The following ZFPM2 variants were observed in gnomAD, a reference collection of about 807,000 sequenced individuals.
ZFPM2 encodes the protein zinc finger protein ZFPM2.
Under a neutral mutation model 98.6 loss-of-function variants are expected in ZFPM2, and 20 were observed. The ratio of observed to expected loss-of-function variants is 0.20; its 90% confidence interval spans 0.14 to 0.29. The LOEUF is 0.29. ZFPM2 is among the 10% of genes least tolerant of loss of function. The probability of loss-of-function intolerance (pLI) is 1.00; values close to 1 mark genes in which losing one functional copy is unlikely to be tolerated. For missense variants in ZFPM2, 1,310 were observed against 1,388.6 expected (o/e 0.94, Z 0.90); for synonymous variants, 518 against 502.7 (o/e 1.03, Z -0.41).
intron 5 of ZFPM2, among the ~76,000 whole-genome samples, chr8:105,689,146 C>T (rs1162451678): frequency 6.6e-6 from 1 of 152,118 alleles, no homozygotes; most frequent in African/African-American, 2.4e-5. Context: ...CTTCCTATCT[C>T]AATCACAATA....
intron 5 of ZFPM2, among the ~76,000 whole-genome samples, chr8:105,653,826 T>G (rs374851498): frequency 2.0e-5 from 3 of 149,386 alleles, no homozygotes; most frequent in African/African-American, 7.3e-5. Flanking sequence ...CTTCCTGTTT[T>G]GTCTTTATAC....
Position 105,761,656 on chromosome 8 carries a change from G to A in ZFPM2, c.533-27062G>A, listed in dbSNP as rs922757436. Among the ~76,000 whole-genome samples the A allele has an allele frequency of 2.6e-5, 4 of 151,794 alleles. No homozygotes were observed. In the Admixed American group the frequency reaches 2.6e-4, roughly 10 times the overall value. On this transcript the variant is annotated intron_variant, in intron 5 of 7. Coordinates refer to ENST00000407775, the MANE Select transcript of ZFPM2 (RefSeq NM_012082.4). ...AGACACAAGATGATTTGACGCACGG[G>A]CTTGTCTCAAGATATTTCTTTGAGT...
chr8:105,493,111 A>T (rs1813388608), intron 3 of ZFPM2, among the ~76,000 whole-genome samples: 1 of 152,182 alleles, frequency 6.6e-6, no homozygotes, highest in Admixed American at 6.5e-5. Context: ...GGCTTTGGAA[A>T]TGCTATAAAT....
intron 5 of ZFPM2, chr8:105,737,736 G>C (rs548168038): frequency 2.0e-5 from 3 of 151,976 alleles, no homozygotes; most frequent in Admixed American, 6.6e-5. Context: ...ATATGATTTT[G>C]ATTTTGTTGG....
At chr8:105,331,465 G>A (rs1812232940) in intron 1 of ZFPM2, among the ~76,000 whole-genome samples, 1 of 151,646 alleles carries the variant, frequency 6.6e-6, no homozygotes, top group African/African-American at 2.4e-5. Context: ...TAAGGTACGT[G>A]TTAGGGGATT....
intron 5 of ZFPM2, among the ~76,000 whole-genome samples, chr8:105,669,438 T>TAC (rs1051040862): frequency 1.3e-5 from 2 of 151,008 alleles, no homozygotes; most frequent in African/African-American, 4.9e-5. Flanking sequence ...TTTATATATA[T>TAC]ACACACGCAT....
chr8:105,556,317 A>T (rs1586460483), intron 3 of ZFPM2, among the ~76,000 whole-genome samples: 1 of 152,304 alleles, frequency 6.6e-6, no homozygotes, highest in East Asian at 1.9e-4. Context: ...CCACAAGCAG[A>T]CATCAATGAA....
chr8:105,433,761 T>A (rs1812065996), intron 2 of ZFPM2, among the ~76,000 whole-genome samples: 1 of 152,152 alleles, frequency 6.6e-6, no homozygotes, highest in Non-Finnish European at 1.5e-5. Flanking sequence ...CACTCCAGCC[T>A]GGGAGGCAGA....
At chr8:105,457,907 G>A (rs1027985223) in intron 3 of ZFPM2, among the ~76,000 whole-genome samples, 2 of 152,154 alleles carry the variant, frequency 1.3e-5, no homozygotes, top group African/African-American at 4.8e-5. Flanking sequence ...TCCAGATTTA[G>A]ACACGAGGCT....
chr8:105,488,133 G>A (rs931805824), intron 3 of ZFPM2, among the ~76,000 whole-genome samples: 5 of 151,650 alleles, frequency 3.3e-5, no homozygotes, highest in Admixed American at 6.6e-5. Context: ...ATAATCAATC[G>A]AAGTTCACAG....
At position 105,441,455 on chromosome 8, in the gene ZFPM2, A is replaced by AGAAAGG. The variant is rs1554604944; in HGVS notation, c.200-2825_200-2824insGAAAGG. ...AAGAAAGAGAGAGAGAGAGAGAGAG[A>AGAAAGG]AAGAAAGAAAGAAAGAAAGAAAGAA... On this transcript the variant is annotated intron_variant, in intron 2 of 7. Transcript: ENST00000407775. 2.1e-4 allele frequency among the ~76,000 whole-genome samples: 12 copies of AGAAAGG among 56,564 alleles called. 1 individual carries two copies. Among genetic ancestry groups the AGAAAGG allele is most frequent in the Non-Finnish European group, 3.2e-4 (10 of 31,672 alleles). The allele number at this position is 56,564 out of a possible 152,430, so 37.1% of individuals were successfully genotyped here.
chr8:105,383,712 G>T (rs1311992171), intron 1 of ZFPM2, among the ~76,000 whole-genome samples: 3 of 151,890 alleles, frequency 2.0e-5, no homozygotes, highest in Non-Finnish European at 4.4e-5. Context: ...CATATATATT[G>T]TTGCATGCTA....
At chr8:105,695,702 G>A (rs1237199233) in intron 5 of ZFPM2, among the ~76,000 whole-genome samples, 1 of 152,026 alleles carries the variant, frequency 6.6e-6, no homozygotes, top group East Asian at 1.9e-4. Context: ...TTTGCAGGTT[G>A]GAGACATTAG....
chr8:105,701,373 TTC>T (rs924507814), intron 5 of ZFPM2, among the ~76,000 whole-genome samples: 3 of 152,210 alleles, frequency 2.0e-5, no homozygotes, highest in Admixed American at 6.5e-5. Flanking sequence ...TTAGTTTATA[TTC>T]TGTCTCTATC....
At chr8:105,505,863 A>G (rs1217072446) in intron 3 of ZFPM2, among the ~76,000 whole-genome samples, 1 of 152,190 alleles carries the variant, frequency 6.6e-6, no homozygotes, top group African/African-American at 2.4e-5. Flanking sequence ...ATGGTAAAAT[A>G]TGACATAAAA....
chr8:105,408,383 A>G (rs372875105), intron 1 of ZFPM2, among the ~76,000 whole-genome samples: 2 of 151,868 alleles, frequency 1.3e-5, no homozygotes, highest in South Asian at 2.1e-4. Context: ...TTTAATGACA[A>G]CATAGAACAC....
At chr8:105,660,888 C>T (rs1174981506) in intron 5 of ZFPM2, among the ~76,000 whole-genome samples, 1 of 152,052 alleles carries the variant, frequency 6.6e-6, no homozygotes, top group Admixed American at 6.5e-5. Flanking sequence ...ATATTGCAGA[C>T]ACAAAATAAA....
At chr8:105,400,470 G>T (rs1439583391) in intron 1 of ZFPM2, among the ~76,000 whole-genome samples, 4 of 151,678 alleles carry the variant, frequency 2.6e-5, no homozygotes, top group Non-Finnish European at 4.4e-5. Context: ...GTGTCCATGT[G>T]ATCTCATTGT....
At chr8:105,601,881 A>G (rs1816100370) in intron 4 of ZFPM2, among the ~76,000 whole-genome samples, 1 of 152,100 alleles carries the variant, frequency 6.6e-6, no homozygotes, top group African/African-American at 2.4e-5. Context: ...ATTTATTAGA[A>G]TTGCAGAGTA....
Sources: gnomAD v4.1 joint callset for allele counts (sites outside exome capture counted in the v4.1 genomes callset) on GRCh38, gnomAD v4.1.1 for gene constraint, MANE v1.5 for transcripts, NCBI Gene and HGNC (gene_info 2026-07-23, HGNC 2026-07-21) for gene names.